Variants in SCP2 observed in about 807,000 individuals in gnomAD.
SCP2 encodes SCP-2/3-oxoacyl-CoA thiolase.
SCP2 carries 48 observed loss-of-function variants against 71.4 expected under a neutral mutation model. That is an observed-to-expected ratio of 0.67 (90% CI 0.53 to 0.86). The LOEUF (loss-of-function observed/expected upper bound fraction) is 0.86, where lower values mean the gene tolerates loss of function less well. SCP2 is among the 40% of genes least tolerant of loss of function. The pLI, the probability that SCP2 is intolerant of heterozygous loss-of-function variation, is 0.00. For synonymous variants in SCP2, 220 were observed against 218.1 expected (o/e 1.01, Z -0.08); for missense variants, 560 against 655.6 (o/e 0.85, Z 1.59).
intron 13 of SCP2, among the ~76,000 whole-genome samples, chr1:53,034,974 G>A (rs979446068): frequency 2.0e-5 from 3 of 151,962 alleles, no homozygotes; most frequent in Admixed American, 6.6e-5. Flanking sequence ...GTGTGGTGGC[G>A]GGCACCTGTA....
intron 2 of SCP2, chr1:52,943,689 A>G: frequency 2.3e-6 from 1 of 438,244 alleles, no homozygotes; most frequent in South Asian, 1.8e-5. Flanking sequence ...TGGAAGTGCC[A>G]ATCTGTTTTT....
chr1:52,977,885 G>C (rs1658121343), intron 8 of SCP2, among the ~76,000 whole-genome samples: 1 of 152,044 alleles, frequency 6.6e-6, no homozygotes, highest in African/African-American at 2.4e-5. Flanking sequence ...ACTTGAACCG[G>C]GGAGGAGGAG....
intron 7 of SCP2, 69 bp downstream of exon 7, chr1:52,974,901 C>T: frequency 1.2e-6 from 1 of 805,006 alleles, no homozygotes; most frequent in East Asian, 2.4e-5. Flanking sequence ...CAACTTTATA[C>T]TTGAAAAGCA....
intron 7 of SCP2, among the ~76,000 whole-genome samples, chr1:52,975,955 C>T (rs192587278): frequency 6.6e-6 from 1 of 152,296 alleles, no homozygotes; most frequent in East Asian, 1.9e-4. Flanking sequence ...AATCCAGGGG[C>T]TCCCATGACT....
chr1:52,936,304 C>A (rs1653736216), intron 1 of SCP2, among the ~76,000 whole-genome samples: 1 of 152,156 alleles, frequency 6.6e-6, no homozygotes, highest in Admixed American at 6.5e-5. Context: ...AAGCTCTTTG[C>A]CATTTCCAAT....
chr1:52,945,744 A>ATATATATATATATATATATATAT (rs1654723543), intron 2 of SCP2, among the ~76,000 whole-genome samples: 2 of 145,726 alleles, frequency 1.4e-5, no homozygotes, highest in African/African-American at 5.2e-5. Context: ...AGTTGTGCAT[A>ATATATATATATATATATATATAT]ATATATATAT....
chr1:53,006,220 G>A (rs1660629841), intron 11 of SCP2, among the ~76,000 whole-genome samples: 1 of 152,194 alleles, frequency 6.6e-6, no homozygotes, highest in African/African-American at 2.4e-5. Context: ...ATATTATCCA[G>A]GAGAACTTCC....
intron 7 of SCP2, among the ~76,000 whole-genome samples, chr1:52,976,384 C>A (rs1410535775): frequency 1.3e-5 from 2 of 152,180 alleles, no homozygotes; most frequent in Admixed American, 1.3e-4. Context: ...TAACAAGGCC[C>A]ACCATAAGTG....
At chr1:52,966,990 T>C (rs1226376750) in intron 6 of SCP2, among the ~76,000 whole-genome samples, 1 of 151,926 alleles carries the variant, frequency 6.6e-6, no homozygotes, top group Admixed American at 6.6e-5. Context: ...GAGTTCGAGA[T>C]CAGCCTGGTC....
intron 5 of SCP2, among the ~76,000 whole-genome samples, chr1:52,955,872 G>A (rs1482814787): frequency 6.6e-6 from 1 of 151,916 alleles, no homozygotes; most frequent in Non-Finnish European, 1.5e-5. Flanking sequence ...TAGATTTATT[G>A]GATGCAGATT....
chr1:52,987,155 C>T (rs1659078222), intron 10 of SCP2, among the ~76,000 whole-genome samples: 1 of 151,890 alleles, frequency 6.6e-6, no homozygotes, highest in Non-Finnish European at 1.5e-5. Flanking sequence ...AGGTGATCTA[C>T]CTGCCTCGGC....
intron 15 of SCP2, chr1:53,049,982 C>T (rs1449618446): frequency 6.6e-6 from 1 of 152,146 alleles, no homozygotes; most frequent in Non-Finnish European, 1.5e-5. Flanking sequence ...TTTGCTGTTT[C>T]TCTTAAGTTT....
intron 7 of SCP2, 78 bp downstream of exon 7, chr1:52,974,910 C>T: frequency 1.3e-6 from 1 of 782,454 alleles, no homozygotes; most frequent in Non-Finnish European, 2.3e-6. Flanking sequence ...ACTTGAAAAG[C>T]AAATGCCAAG....
At chr1:52,949,676 T>C (rs959708430) in intron 3 of SCP2, among the ~76,000 whole-genome samples, 5 of 152,104 alleles carry the variant, frequency 3.3e-5, no homozygotes, top group African/African-American at 4.8e-5. Flanking sequence ...AAGTAACTTG[T>C]GGAATGCTGA....
chr1:52,929,959 G>T (rs1652987987), intron 1 of SCP2, among the ~76,000 whole-genome samples: 1 of 152,112 alleles, frequency 6.6e-6, no homozygotes, highest in African/African-American at 2.4e-5. Flanking sequence ...CACAGCTGCC[G>T]TCTGGCTGAC....
chr1:52,986,277 G>C (rs80326109), intron 10 of SCP2, among the ~76,000 whole-genome samples: 2 of 152,212 alleles, frequency 1.3e-5, no homozygotes, highest in Non-Finnish European at 2.9e-5. Flanking sequence ...TATAGGAAAA[G>C]TGTAGTGAAT....
At chr1:52,993,509 A>G in intron 11 of SCP2, 2 of 1,612,690 alleles carry the variant, frequency 1.2e-6, no homozygotes, top group Non-Finnish European at 8.5e-7. Flanking sequence ...GATTTCTTCA[A>G]AACTGCCTCT....
In SCP2 at chr1:52,988,053, G is replaced by C; in HGVS notation, c.998G>C (p.Arg333Thr). Reference sequence around the variant, plus strand: ...GGACAAGGTGCAACGCTGGTTGATAGAGGAGATAATACATATGGAGGAAAG... The same window carrying C: ...GGACAAGGTGCAACGCTGGTTGATACAGGAGATAATACATATGGAGGAAAG... Reference protein sequence around the residue: ...PEGQGATLVDRGDNTYGGKWV... With the variant: ...PEGQGATLVDTGDNTYGGKWV... Residue 333 changes from arginine to threonine, a missense_variant, in exon 11 of 16, where the codon AGA (arginine) becomes ACA (threonine). By Grantham distance (71) the Arg-to-Thr change is moderately conservative. Around this residue, in one of 3 missense-constraint regions of SCP2, gnomAD observed 513 missense variants for 573.1 expected, o/e 0.90. Transcript: ENST00000371514. The C allele has an allele frequency of 6.3e-7, 1 of 1,598,590 alleles. No individual in the cohort carries two copies. Among genetic ancestry groups the C allele is most frequent in the Non-Finnish European group, 8.6e-7 (1 of 1,166,566 alleles).
intron 12 of SCP2, among the ~76,000 whole-genome samples, chr1:53,018,655 C>T (rs998279202): frequency 6.6e-6 from 1 of 151,644 alleles, no homozygotes; most frequent in Admixed American, 6.6e-5. Flanking sequence ...GCATGAGAAT[C>T]GCTTGAGCCT....
Sources: allele counts gnomAD v4.1 joint callset (sites outside exome capture counted in the v4.1 genomes callset), GRCh38; gene constraint gnomAD v4.1.1; regional missense constraint gnomAD v4.1.1; transcripts MANE v1.5; gene names NCBI Gene and HGNC (gene_info 2026-07-23, HGNC 2026-07-21).